Variants in ULK4 observed in about 807,000 individuals in gnomAD.
ULK4 encodes the protein inactive serine/threonine-protein kinase ULK4.
Under a neutral mutation model 160.6 loss-of-function variants are expected in ULK4, and 133 were observed. The observed-to-expected ratio is 0.83, with a 90% CI of 0.72 to 0.96. The LOEUF (loss-of-function observed/expected upper bound fraction) is 0.96, where lower values mean the gene tolerates loss of function less well. Among genes scored for constraint, ULK4 ranks in the 40% least tolerant of loss-of-function variants. The probability of loss-of-function intolerance (pLI) is 0.00; values close to 1 mark genes in which losing one functional copy is unlikely to be tolerated. For missense variants in ULK4, 1,580 were observed against 1,499.5 expected, an observed-to-expected ratio of 1.05 and a Z score of -0.89; for synonymous variants, 534 against 539.8, an observed-to-expected ratio of 0.99 and a Z score of 0.15.
intron 34 of ULK4, among the ~76,000 whole-genome samples, chr3:41,448,105 C>T (rs990832575): frequency 6.6e-6 from 1 of 152,176 alleles, no homozygotes; most frequent in African/African-American, 2.4e-5. Context: ...TTCTCTGTAA[C>T]AGGCCCCAAA....
chr3:41,734,736 A>G (rs922645862), intron 22 of ULK4, among the ~76,000 whole-genome samples: 11 of 152,196 alleles, frequency 7.2e-5, no homozygotes, highest in African/African-American at 2.7e-4. Context: ...GCACTGAAGC[A>G]TTTTACTTCC....
At chr3:41,354,002 C>T (rs73831338) in intron 35 of ULK4, among the ~76,000 whole-genome samples, 7,452 of 152,206 alleles carry the variant, frequency 0.049, 434 homozygotes, top group East Asian at 0.21. Context: ...CATTGTGGGG[C>T]TCCACTGTCC....
At chr3:41,876,801 G>A (rs1697319392) in intron 17 of ULK4, among the ~76,000 whole-genome samples, 1 of 152,078 alleles carries the variant, frequency 6.6e-6, no homozygotes, top group African/African-American at 2.4e-5. Flanking sequence ...AAATTCAAAA[G>A]CCGGCAAAAT....
At chr3:41,932,320 G>T (rs1699630851) in intron 4 of ULK4, among the ~76,000 whole-genome samples, 1 of 152,308 alleles carries the variant, frequency 6.6e-6, no homozygotes, top group Admixed American at 6.5e-5. Context: ...CCAACTCTCA[G>T]TGTCAGCTAT....
At chr3:41,639,621 G>A (rs1042797372) in intron 30 of ULK4, among the ~76,000 whole-genome samples, 10 of 152,040 alleles carry the variant, frequency 6.6e-5, no homozygotes, top group Admixed American at 1.3e-4. Context: ...CCAGCTACTC[G>A]GGAGGCTGAG....
At chr3:41,398,736 C>T (rs2082118251) in intron 34 of ULK4, among the ~76,000 whole-genome samples, 1 of 151,886 alleles carries the variant, frequency 6.6e-6, no homozygotes, top group Non-Finnish European at 1.5e-5. Context: ...TATGTAGTTG[C>T]TCAAACAAAG....
Position 41,566,062 on chromosome 3 carries a change from G to T in ULK4, c.3189C>A (p.Ala1063=), listed in dbSNP as rs1287628808. Residue 1063 remains alanine, a synonymous_variant, in exon 32 of 37, where the codon GCC becomes GCA. Coordinates refer to ENST00000301831, the MANE Select transcript of ULK4 (RefSeq NM_017886.4). The part of the protein sequence containing the change: ...SVIALLSNLV[A]CKDSNMELLY... ...GTAGTTCCATATTCGAATCTTTGCA[G>T]GCAACTAGATTGCTGAGTAATGCAA... The T allele has an allele frequency of 9.3e-6, 15 of 1,613,458 alleles. No homozygotes were observed. Among genetic ancestry groups the T allele is most frequent in the African/African-American group, 2.7e-5 (2 of 74,772 alleles).
intron 17 of ULK4, among the ~76,000 whole-genome samples, chr3:41,866,566 G>A (rs1038724898): frequency 6.6e-6 from 1 of 152,238 alleles, no homozygotes; most frequent in Non-Finnish European, 1.5e-5. Context: ...GCAGAGCTCA[G>A]GCAGTAATGC....
intron 34 of ULK4, among the ~76,000 whole-genome samples, chr3:41,412,095 C>A (rs1037889580): frequency 2.0e-5 from 3 of 152,108 alleles, no homozygotes; most frequent in African/African-American, 4.8e-5. Context: ...GTGAGTTTAA[C>A]AAAGTTGCAG....
At chr3:41,592,454 T>C (rs1291166809) in intron 31 of ULK4, among the ~76,000 whole-genome samples, 1 of 152,092 alleles carries the variant, frequency 6.6e-6, no homozygotes, top group Non-Finnish European at 1.5e-5. Flanking sequence ...GACTACAAAT[T>C]GGGTGCAGCG....
intron 29 of ULK4, among the ~76,000 whole-genome samples, chr3:41,678,806 A>G (rs576959009): frequency 7.2e-5 from 11 of 152,230 alleles, no homozygotes; most frequent in Non-Finnish European, 1.2e-4. Flanking sequence ...AACAAAATAA[A>G]AAGTATCAAC....
chr3:41,695,382 C>T (rs762455382), intron 27 of ULK4, among the ~76,000 whole-genome samples: 7 of 152,122 alleles, frequency 4.6e-5, no homozygotes, highest in Non-Finnish European at 8.8e-5. Flanking sequence ...GTCTCTAATG[C>T]CATTTCCCAA....
intron 2 of ULK4, among the ~76,000 whole-genome samples, chr3:41,952,975 C>T (rs1700338449): frequency 6.6e-6 from 1 of 151,632 alleles, no homozygotes; most frequent in Non-Finnish European, 1.5e-5. Flanking sequence ...TGTATGATAC[C>T]ATTTATATAG....
intron 5 of ULK4, among the ~76,000 whole-genome samples, chr3:41,930,537 T>C (rs529593309): frequency 1.3e-5 from 2 of 152,096 alleles, no homozygotes; most frequent in Non-Finnish European, 2.9e-5. Context: ...TAAACTAGCA[T>C]CAGAATGAAC....
intron 32 of ULK4, among the ~76,000 whole-genome samples, chr3:41,514,541 A>C (rs1266305968): frequency 6.6e-6 from 1 of 152,224 alleles, no homozygotes; most frequent in Non-Finnish European, 1.5e-5. Flanking sequence ...CTGGGTGTCC[A>C]TTAGTGAATA....
intron 32 of ULK4, among the ~76,000 whole-genome samples, chr3:41,554,716 T>C (rs573368649): frequency 6.6e-6 from 1 of 152,240 alleles, no homozygotes; most frequent in South Asian, 2.1e-4. Flanking sequence ...AGATTTGAAA[T>C]GTTCCCAACA....
At chr3:41,612,144 G>T (rs1167319921) in intron 31 of ULK4, among the ~76,000 whole-genome samples, 1 of 152,202 alleles carries the variant, frequency 6.6e-6, no homozygotes, top group Admixed American at 6.5e-5. Context: ...AGAAGGATGT[G>T]CAAAGGACTT....
Position 41,681,485 on chromosome 3 carries a change from G to A in ULK4, c.2978+23C>T, listed in dbSNP as rs113228968. ...CTGGATAGCCTACACTTCTCTGCAT[G>A]AATACAACTGCATGATACTTACTGG... On this transcript the variant is annotated intron_variant, in intron 29 of 36. Coordinates refer to ENST00000301831, the MANE Select transcript of ULK4 (RefSeq NM_017886.4). 4.3e-3 allele frequency: 6,868 copies of A among 1,613,082 alleles called. 24 individuals are homozygous for A. The highest frequency in any genetic ancestry group is 5.2e-3 in the Non-Finnish European group (6,139 of 1,179,622).
intron 21 of ULK4, among the ~76,000 whole-genome samples, chr3:41,788,708 G>GA (rs138437052): frequency 0.12 from 18,468 of 151,262 alleles, 1,278 homozygotes; most frequent in Middle Eastern, 0.25. Flanking sequence ...AAGAAAAAAA[G>GA]AAAAAGAAAA....
Sources: allele counts gnomAD v4.1 joint callset (sites outside exome capture counted in the v4.1 genomes callset), GRCh38; gene constraint gnomAD v4.1.1; transcripts MANE v1.5; gene names NCBI Gene and HGNC (gene_info 2026-07-23, HGNC 2026-07-21).